Variants in ZBTB7C observed in about 807,000 individuals in gnomAD.
The protein encoded by ZBTB7C is zinc finger and BTB domain containing 7C.
A neutral mutation model predicts 25.7 loss-of-function variants in ZBTB7C; 8 were observed. The observed-to-expected ratio is 0.31, with a 90% CI of 0.18 to 0.56. The LOEUF is 0.56. Ranked by LOEUF, ZBTB7C falls within the 20% of genes least tolerant of loss-of-function variation. The probability of loss-of-function intolerance (pLI) is 0.91; values close to 1 mark genes in which losing one functional copy is unlikely to be tolerated. For synonymous variants in ZBTB7C, 394 were observed against 369.0 expected (o/e 1.07, Z -0.78); for missense variants, 824 against 855.2 (o/e 0.96, Z 0.46).
At chr18:48,226,139 C>A (rs781335745) in intron 2 of ZBTB7C, among the ~76,000 whole-genome samples, 4 of 152,216 alleles carry the variant, frequency 2.6e-5, no homozygotes, top group African/African-American at 4.8e-5. Flanking sequence ...CAAACCCAAC[C>A]AACCCATGTG....
At chr18:48,256,828 G>C (rs2044034949) in intron 2 of ZBTB7C, among the ~76,000 whole-genome samples, 1 of 151,936 alleles carries the variant, frequency 6.6e-6, no homozygotes, top group Non-Finnish European at 1.5e-5. Context: ...ATAAACCTGA[G>C]AGCAACCTGA....
At chr18:48,396,182 T>A (rs1429312546) in intron 1 of ZBTB7C, among the ~76,000 whole-genome samples, 1 of 152,204 alleles carries the variant, frequency 6.6e-6, no homozygotes, top group Non-Finnish European at 1.5e-5. Context: ...ACAACTACTT[T>A]CCAATGGCAG....
intron 1 of ZBTB7C, among the ~76,000 whole-genome samples, chr18:48,376,369 A>T (rs1489612045): frequency 2.6e-5 from 4 of 152,242 alleles, no homozygotes; most frequent in African/African-American, 9.6e-5. Flanking sequence ...CACGCTGTGT[A>T]GATGCCCTCT....
At chr18:48,173,174 T>TG (rs2041550532) in intron 3 of ZBTB7C, among the ~76,000 whole-genome samples, 8 of 152,248 alleles carry the variant, frequency 5.3e-5, no homozygotes, top group Admixed American at 1.3e-4. Context: ...ACAGTTCTGC[T>TG]GTTAGACCCA....
At chr18:48,325,453 C>G (rs899482554) in intron 2 of ZBTB7C, among the ~76,000 whole-genome samples, 5 of 152,178 alleles carry the variant, frequency 3.3e-5, no homozygotes, top group African/African-American at 1.2e-4. Flanking sequence ...GTGTGAAATA[C>G]CCCTTTTTCA....
At chr18:48,386,451 AC>A (rs1323238716) in intron 1 of ZBTB7C, among the ~76,000 whole-genome samples, 2 of 133,706 alleles carry the variant, frequency 1.5e-5, no homozygotes, top group Non-Finnish European at 3.3e-5. Flanking sequence ...GTGGATGTCA[AC>A]AAAGTGGTAC....
At chr18:48,391,311 G>A (rs574801764) in intron 1 of ZBTB7C, among the ~76,000 whole-genome samples, 35 of 152,294 alleles carry the variant, frequency 2.3e-4, no homozygotes, top group Non-Finnish European at 4.3e-4. Context: ...AGAACTCCAT[G>A]AAGTTGTCAA....
chr18:48,179,620 A>T (rs1599042789), intron 3 of ZBTB7C, among the ~76,000 whole-genome samples: 2 of 152,046 alleles, frequency 1.3e-5, no homozygotes, highest in Admixed American at 1.3e-4. Context: ...CTGTTGGGGG[A>T]GTGGTCAGAA....
intron 1 of ZBTB7C, among the ~76,000 whole-genome samples, chr18:48,404,989 C>T (rs1449157963): frequency 6.6e-6 from 1 of 152,220 alleles, no homozygotes; most frequent in Non-Finnish European, 1.5e-5. Flanking sequence ...CTACTGAAGT[C>T]TCCCCCTGGT....
At chr18:48,216,596 C>T (rs571766997) in intron 2 of ZBTB7C, among the ~76,000 whole-genome samples, 46 of 152,252 alleles carry the variant, frequency 3.0e-4, no homozygotes, top group African/African-American at 1.0e-3. Flanking sequence ...TCAAGCTCCT[C>T]GCCAATTTTC....
intron 2 of ZBTB7C, among the ~76,000 whole-genome samples, chr18:48,231,705 C>T (rs573303404): frequency 2.1e-4 from 32 of 152,338 alleles, no homozygotes; most frequent in Admixed American, 5.2e-4. Flanking sequence ...AAGCATGCCC[C>T]TTGCTCATTA....
At chr18:48,250,686 C>A (rs2043824291) in intron 2 of ZBTB7C, among the ~76,000 whole-genome samples, 1 of 151,910 alleles carries the variant, frequency 6.6e-6, no homozygotes, top group Non-Finnish European at 1.5e-5. Context: ...AATTTTCTGA[C>A]AAACTTTAAT....
chr18:48,303,033 T>A (rs1480830904), intron 2 of ZBTB7C, among the ~76,000 whole-genome samples: 1 of 152,214 alleles, frequency 6.6e-6, no homozygotes, highest in Non-Finnish European at 1.5e-5. Context: ...CTGCCAAAGC[T>A]TCTGTCTCCC....
intron 3 of ZBTB7C, among the ~76,000 whole-genome samples, chr18:48,144,799 T>C (rs2040451705): frequency 6.6e-6 from 1 of 152,192 alleles, no homozygotes; most frequent in Admixed American, 6.5e-5. Context: ...AGAGTTCTAC[T>C]CCTGATGAAA....
chr18:48,040,571 G>A lies in ZBTB7C; in HGVS notation c.537C>T (p.Asp179=), dbSNP rs775630870. 4 of 1,614,018 alleles carry A rather than the reference G, an allele frequency of 2.5e-6. No individual in the cohort carries two copies. Among genetic ancestry groups the A allele is most frequent in the Non-Finnish European group, 3.4e-6 (4 of 1,179,972 alleles). ...TTTGGTGGCAGCTGATGTCCTGGGG[G>A]TCAGGCAAGTTTTCTTGGTCAGCAA... ...EDFADQENLP[D]PQDISCHQSP... is the part of the protein sequence containing the mutation. Residue 179 remains aspartate (D), a synonymous_variant, in exon 4 of 5, where the codon GAC becomes GAT. Transcript: ENST00000590800.
At chr18:48,155,079 G>A (rs1192221616) in intron 3 of ZBTB7C, among the ~76,000 whole-genome samples, 2 of 152,084 alleles carry the variant, frequency 1.3e-5, no homozygotes. Flanking sequence ...GTCCCATGTA[G>A]GCTTGGAAAC....
chr18:48,384,096 G>A (rs1372023656), intron 1 of ZBTB7C, among the ~76,000 whole-genome samples: 1 of 152,124 alleles, frequency 6.6e-6, no homozygotes. Flanking sequence ...ATATTCAGGG[G>A]GTCAAATCAA....
chr18:48,274,734 T>C (rs908649245), intron 2 of ZBTB7C, among the ~76,000 whole-genome samples: 3 of 152,238 alleles, frequency 2.0e-5, no homozygotes, highest in African/African-American at 7.2e-5. Flanking sequence ...TCCATTCTCC[T>C]GTCAGCGCAT....
intron 3 of ZBTB7C, among the ~76,000 whole-genome samples, chr18:48,114,075 G>T (rs2039340156): frequency 6.6e-6 from 1 of 152,164 alleles, no homozygotes; most frequent in Non-Finnish European, 1.5e-5. Context: ...TTCATGGGGG[G>T]TTTGGACTCC....
Sources: allele counts gnomAD v4.1 joint callset (sites outside exome capture counted in the v4.1 genomes callset), GRCh38; gene constraint gnomAD v4.1.1; transcripts MANE v1.5; gene names NCBI Gene and HGNC (gene_info 2026-07-23, HGNC 2026-07-21).